Variants in SPCS2 observed in about 807,000 individuals in gnomAD.
The protein encoded by SPCS2 is signal peptidase complex subunit 2.
A neutral mutation model predicts 22.3 loss-of-function variants in SPCS2; 3 were observed. The ratio of observed to expected loss-of-function variants is 0.13; its 90% CI spans 0.06 to 0.35. SPCS2 has a LOEUF of 0.35. Ranked by LOEUF, SPCS2 falls within the 10% of genes least tolerant of loss-of-function variation. The probability of loss-of-function intolerance (pLI) is 1.00; values close to 1 mark genes in which losing one functional copy is unlikely to be tolerated. For synonymous variants in SPCS2, 67 were observed against 97.2 expected (o/e 0.69, Z 1.83); for missense variants, 169 against 280.9 (o/e 0.60, Z 2.85).
At chr11:74,966,045 A>G in intron 3 of SPCS2, 122 bp downstream of exon 3, 1 of 868,742 alleles carries the variant, frequency 1.2e-6, no homozygotes, top group Non-Finnish European at 1.8e-6. Context: ...AGAATTCAAC[A>G]TTTTGAGCTG....
chr11:74,972,673 C>G (rs1188231615), intron 4 of SPCS2, among the ~76,000 whole-genome samples: 1 of 151,622 alleles, frequency 6.6e-6, no homozygotes, highest in Non-Finnish European at 1.5e-5. Flanking sequence ...TGTCAGCCAT[C>G]CACAAAGTCC....
chr11:74,963,715 C>A (rs767562920), intron 1 of SPCS2: 4 of 324,506 alleles, frequency 1.2e-5, no homozygotes, highest in South Asian at 9.6e-5. Context: ...CTCTTTATTT[C>A]TTATAGGCAT....
chr11:74,953,494 A>G (rs1565484361), intron 1 of SPCS2, among the ~76,000 whole-genome samples: 1 of 152,126 alleles, frequency 6.6e-6, no homozygotes, highest in Non-Finnish European at 1.5e-5. Context: ...CACCCAGCCT[A>G]ATATAATTTA....
chr11:74,953,899 C>T (rs958268355), intron 1 of SPCS2, among the ~76,000 whole-genome samples: 2 of 152,326 alleles, frequency 1.3e-5, no homozygotes, highest in Non-Finnish European at 2.9e-5. Flanking sequence ...ATTATCTAGA[C>T]CCTTTTAGCC....
rs1948627220 is a variant in SPCS2, at chr11:74,978,232, G to A, written c.*1189G>A. 1.3e-5 allele frequency: 2 copies of A among 152,212 alleles called. No homozygotes were observed. The highest frequency in any genetic ancestry group is 6.5e-5 in the Admixed American group (1 of 15,278). 9.4% of individuals were successfully genotyped at this position (152,212 alleles called of 1,614,324 possible). On this transcript the variant is annotated 3_prime_UTR_variant, in exon 5 of 5. Transcript: ENST00000263672. The stretch of plus-strand genomic sequence containing the variant: ...GCCTTACAAAACATCAATTTTGGCT[G>A]AGCCTAGTACCCAACACTATATTCA...
intron 1 of SPCS2, among the ~76,000 whole-genome samples, chr11:74,961,753 C>T (rs1473626466): frequency 6.6e-6 from 1 of 151,956 alleles, no homozygotes; most frequent in Non-Finnish European, 1.5e-5. Context: ...GTCTCGGACT[C>T]CTAACCTCAA....
chr11:74,967,697 C>T (rs942528199), intron 3 of SPCS2, among the ~76,000 whole-genome samples: 3 of 152,142 alleles, frequency 2.0e-5, no homozygotes, highest in South Asian at 2.1e-4. Flanking sequence ...CACAGTGAGC[C>T]GAGATCTGCT....
At chr11:74,966,110 TTA>T (rs1388714191) in intron 3 of SPCS2, among the ~76,000 whole-genome samples, 187 bp downstream of exon 3, 3 of 152,238 alleles carry the variant, frequency 2.0e-5, no homozygotes, top group Admixed American at 2.0e-4. Context: ...CACTGATATT[TTA>T]TGTTTTGTAT....
rs1455187771 is a variant in SPCS2 at position 74,977,803 on chromosome 11, T to G, written c.*760T>G. On this transcript the variant is annotated 3_prime_UTR_variant, in exon 5 of 5. Transcript: ENST00000263672. ...AGTGTTAACATCTTTCTACTATAGGTTTTTTTCATTTTTAGGCTATTTTAC... is the reference window on the plus strand; with the variant it reads ...AGTGTTAACATCTTTCTACTATAGGGTTTTTTCATTTTTAGGCTATTTTAC... 1 of 152,554 alleles carries G rather than the reference T, an allele frequency of 6.6e-6. No individual in the cohort carries two copies. The highest frequency in any genetic ancestry group is 1.9e-4 in the East Asian group (1 of 5,188). 9.5% of individuals were successfully genotyped at this position (152,554 alleles called of 1,614,324 possible). A position where few individuals can be genotyped will look rare whatever the true frequency, so the allele number is the denominator to read the frequency against.
chr11:74,960,059 C>T (rs1420268174), intron 1 of SPCS2, among the ~76,000 whole-genome samples: 2 of 152,152 alleles, frequency 1.3e-5, no homozygotes, highest in Non-Finnish European at 2.9e-5. Flanking sequence ...CAAAAGTTGT[C>T]TTTATCTTGG....
chr11:74,971,807 A>G (rs1176801273), intron 4 of SPCS2, among the ~76,000 whole-genome samples: 1 of 152,234 alleles, frequency 6.6e-6, no homozygotes, highest in Non-Finnish European at 1.5e-5. Flanking sequence ...CATATGAAGT[A>G]TTACAGCATT....
At chr11:74,956,311 T>C (rs1948478544) in intron 1 of SPCS2, among the ~76,000 whole-genome samples, 1 of 152,164 alleles carries the variant, frequency 6.6e-6, no homozygotes, top group African/African-American at 2.4e-5. Context: ...GACTTTTCTG[T>C]CCAACCGCCT....
chr11:74,965,161 G>A, intron 2 of SPCS2, 44 bp downstream of exon 2: 1 of 1,256,388 alleles, frequency 8.0e-7, no homozygotes, highest in Non-Finnish European at 1.1e-6. Context: ...TACAGCTGAT[G>A]GCCATCTCTC....
At chr11:74,951,578 A>C (rs2140212415) in intron 1 of SPCS2, among the ~76,000 whole-genome samples, 1 of 152,210 alleles carries the variant, frequency 6.6e-6, no homozygotes, top group South Asian at 2.1e-4. Flanking sequence ...TGAGAGGCCA[A>C]GGCAGGCGGA....
At chr11:74,965,686 T>C in intron 2 of SPCS2, 77 bp from the exon 3 acceptor site, 1 of 1,272,186 alleles carries the variant, frequency 7.9e-7, no homozygotes, top group Non-Finnish European at 1.1e-6. Context: ...GATTCTTTTA[T>C]CATGGAAATC....
At chr11:74,954,500 T>C (rs1948465310) in intron 1 of SPCS2, among the ~76,000 whole-genome samples, 1 of 152,228 alleles carries the variant, frequency 6.6e-6, no homozygotes, top group Admixed American at 6.5e-5. Context: ...CCACCAACCA[T>C]ATGTCCTTAG....
At chr11:74,960,943 T>C (rs1948510086) in intron 1 of SPCS2, among the ~76,000 whole-genome samples, 1 of 152,182 alleles carries the variant, frequency 6.6e-6, no homozygotes, top group Non-Finnish European at 1.5e-5. Flanking sequence ...TGAGATCATT[T>C]TGACCATGTT....
rs565853645 is a variant in SPCS2 at position 74,978,011 on chromosome 11, G to A, written c.*968G>A. On this transcript the variant is annotated 3_prime_UTR_variant, in exon 5 of 5. Coordinates refer to ENST00000263672, the MANE Select transcript of SPCS2 (RefSeq NM_014752.3). ...GTTATTATCCCCATTTTACACATGA[G>A]GAAACTGAGATACAAAAGTTAAATA... 3.6e-4 allele frequency: 55 copies of A among 152,280 alleles called. No individual in the cohort carries two copies. Among genetic ancestry groups the A allele is most frequent in the African/African-American group, 1.2e-3 (48 of 41,558 alleles). 9.4% of individuals were successfully genotyped at this position (152,280 alleles called of 1,614,324 possible).
At chr11:74,963,722 G>T in intron 1 of SPCS2, 2 of 301,528 alleles carry the variant, frequency 6.6e-6, no homozygotes, top group East Asian at 1.0e-4. Context: ...TTTCTTATAG[G>T]CATTATCTTT....
Sources: gnomAD v4.1 joint callset for allele counts (sites outside exome capture counted in the v4.1 genomes callset) on GRCh38, gnomAD v4.1.1 for gene constraint, MANE v1.5 for transcripts, NCBI Gene and HGNC (gene_info 2026-07-23, HGNC 2026-07-21) for gene names.